The following LMBR1 variants were observed in gnomAD, a reference collection of about 807,000 sequenced individuals.
LMBR1 encodes the protein limb development membrane protein 1.
LMBR1 carries 52 observed loss-of-function variants against 73.9 expected under a neutral mutation model. The ratio of observed to expected loss-of-function variants is 0.70; its 90% CI spans 0.56 to 0.89. The LOEUF is 0.89. Among genes scored for constraint, LMBR1 ranks in the 40% least tolerant of loss-of-function variants. The pLI is 0.00. For synonymous variants in LMBR1, 215 were observed against 209.4 expected, an observed-to-expected ratio of 1.03 and a Z score of -0.23; for missense variants, 539 against 579.8, an observed-to-expected ratio of 0.93 and a Z score of 0.72.
At chr7:156,770,775 A>G (rs1157141798) in intron 5 of LMBR1, among the ~76,000 whole-genome samples, 1 of 152,054 alleles carries the variant, frequency 6.6e-6, no homozygotes, top group Non-Finnish European at 1.5e-5. Flanking sequence ...TGAGATGGGC[A>G]TGGAAGCACA....
At chr7:156,776,589 A>C (rs890577377) in intron 5 of LMBR1, among the ~76,000 whole-genome samples, 4 of 152,102 alleles carry the variant, frequency 2.6e-5, no homozygotes, top group African/African-American at 9.7e-5. Context: ...TCAGTGCCCT[A>C]GCCTAGCTCT....
chr7:156,767,737 TAAC>T (rs925427061), intron 5 of LMBR1, among the ~76,000 whole-genome samples: 3 of 151,774 alleles, frequency 2.0e-5, no homozygotes, highest in African/African-American at 7.3e-5. Context: ...AATATAAACA[TAAC>T]AAAATATATA....
intron 4 of LMBR1, among the ~76,000 whole-genome samples, 160 bp downstream of exon 4, chr7:156,826,445 G>A (rs1311296391): frequency 1.3e-5 from 2 of 152,152 alleles, no homozygotes; most frequent in Non-Finnish European, 2.9e-5. Context: ...ACATAGAAAT[G>A]ATAAGTAAAA....
At position 156,833,645 on chromosome 7, in the gene LMBR1, T is replaced by C. The variant is rs572383941; in HGVS notation, c.179+108A>G. ...AATTAATATGATAAAGCTATTGTAA[T>C]GTGCTGGGTGAATATTTTCCATACT... On this transcript the variant is annotated intron_variant, in intron 3 of 16. Transcript: ENST00000353442. The C allele has an allele frequency of 1.1e-4, 79 of 750,392 alleles. No individual in the cohort carries two copies. The South Asian group carries it at 1.2e-3, about 12-fold the overall frequency. The allele number at this position is 750,392 out of a possible 1,614,324, so 46.5% of individuals were successfully genotyped here.
chr7:156,853,617 G>C (rs868824271), intron 1 of LMBR1, among the ~76,000 whole-genome samples: 3 of 152,158 alleles, frequency 2.0e-5, no homozygotes, highest in Admixed American at 6.6e-5. Context: ...GCTGCCAAAT[G>C]ATGAACCCAA....
chr7:156,824,126 C>T (rs952504570), intron 4 of LMBR1, among the ~76,000 whole-genome samples: 13 of 140,730 alleles, frequency 9.2e-5, no homozygotes, highest in East Asian at 6.4e-4. Flanking sequence ...ACAACAACAA[C>T]AATATATATA....
chr7:156,805,143 T>C (rs1344281844), intron 4 of LMBR1, among the ~76,000 whole-genome samples: 1 of 152,104 alleles, frequency 6.6e-6, no homozygotes, highest in African/African-American at 2.4e-5. Context: ...ATTGACAATA[T>C]ATGTATGTAT....
chr7:156,691,293 A>G (rs1405524317), intron 15 of LMBR1, among the ~76,000 whole-genome samples: 1 of 152,226 alleles, frequency 6.6e-6, no homozygotes, highest in Non-Finnish European at 1.5e-5. Flanking sequence ...GTAGTTAAGC[A>G]TAAGGTTCAC....
chr7:156,708,441 C>G (rs1484301950), intron 15 of LMBR1, among the ~76,000 whole-genome samples: 2 of 151,952 alleles, frequency 1.3e-5, no homozygotes, highest in Admixed American at 1.3e-4. Flanking sequence ...GGGAGCCACA[C>G]AAAAAATAAA....
At position 156,885,438 on chromosome 7, in the gene LMBR1, G is replaced by T. The variant is rs79033812; in HGVS notation, c.66+7490C>A. 1.2e-4 allele frequency among the ~76,000 whole-genome samples: 18 copies of T among 151,980 alleles called. No individual in the cohort carries two copies. The East Asian group carries it at 3.3e-3, about 28-fold the overall frequency. On this transcript the variant is annotated intron_variant, in intron 1 of 16. Transcript: ENST00000353442. Reference sequence around the variant, plus strand: ...AAGAGGGGAGCTTAAGCCATACCCAGGATAAGGAAGAATTTAGATTGCGCA... The same window carrying T: ...AAGAGGGGAGCTTAAGCCATACCCATGATAAGGAAGAATTTAGATTGCGCA...
At chr7:156,740,173 G>C (rs114673352) in intron 9 of LMBR1, among the ~76,000 whole-genome samples, 481 of 152,098 alleles carry the variant, frequency 3.2e-3, no homozygotes, top group African/African-American at 0.011. Context: ...TGGTGAGCTT[G>C]AAGACAGGCT....
intron 15 of LMBR1, among the ~76,000 whole-genome samples, chr7:156,716,417 T>C (rs34779365): frequency 0.035 from 5,382 of 152,316 alleles, 140 homozygotes; most frequent in Non-Finnish European, 0.045. Context: ...CGTCCAGAAC[T>C]AGAGTATGTG....
chr7:156,747,505 T>C (rs1820061057), intron 9 of LMBR1, among the ~76,000 whole-genome samples: 1 of 152,162 alleles, frequency 6.6e-6, no homozygotes, highest in South Asian at 2.1e-4. Flanking sequence ...AAATATAAAA[T>C]GTATTTTTAA....
intron 5 of LMBR1, among the ~76,000 whole-genome samples, chr7:156,793,236 C>T (rs987308197): frequency 6.6e-6 from 1 of 152,170 alleles, no homozygotes; most frequent in Non-Finnish European, 1.5e-5. Flanking sequence ...AGAACTTACA[C>T]AGGTAGTTAA....
intron 1 of LMBR1, among the ~76,000 whole-genome samples, chr7:156,865,312 GAAAA>G (rs992679236): frequency 6.7e-6 from 1 of 149,830 alleles, no homozygotes; most frequent in African/African-American, 2.5e-5. Context: ...ATCTCAAAAA[GAAAA>G]AAAAATTCAA....
intron 15 of LMBR1, among the ~76,000 whole-genome samples, chr7:156,719,530 C>A (rs1257185648): frequency 4.6e-5 from 7 of 152,034 alleles, no homozygotes; most frequent in South Asian, 2.1e-4. Context: ...CATACTGCCC[C>A]AGGTAATTTA....
chr7:156,812,057 G>A (rs1217234056), intron 4 of LMBR1, among the ~76,000 whole-genome samples: 3 of 152,106 alleles, frequency 2.0e-5, no homozygotes, highest in African/African-American at 4.8e-5. Flanking sequence ...TTGGGTCTTC[G>A]CTAATCTAAG....
At chr7:156,702,447 C>G (rs548828952) in intron 15 of LMBR1, among the ~76,000 whole-genome samples, 1 of 152,130 alleles carries the variant, frequency 6.6e-6, no homozygotes, top group East Asian at 1.9e-4. Flanking sequence ...ATGTTCATGT[C>G]CTTTGCCCAC....
At chr7:156,821,179 T>C (rs1469247004) in intron 4 of LMBR1, among the ~76,000 whole-genome samples, 1 of 152,176 alleles carries the variant, frequency 6.6e-6, no homozygotes, top group African/African-American at 2.4e-5. Flanking sequence ...ATGGAAGTGG[T>C]ACATGTCTGG....
Sources: allele counts gnomAD v4.1 joint callset (sites outside exome capture counted in the v4.1 genomes callset), GRCh38; gene constraint gnomAD v4.1.1; transcripts MANE v1.5; gene names NCBI Gene and HGNC (gene_info 2026-07-23, HGNC 2026-07-21).